AFAP1L1: variants seen among roughly 807,000 people sequenced by gnomAD.
The protein encoded by AFAP1L1 is actin filament associated protein 1 like 1.
In AFAP1L1, 77 loss-of-function variants were observed where a neutral mutation model predicts 99.8. The ratio of observed to expected loss-of-function variants is 0.77; its 90% confidence interval spans 0.64 to 0.93. The LOEUF is 0.93. Ranked by LOEUF, AFAP1L1 falls within the 40% of genes least tolerant of loss-of-function variation. The pLI is 0.00. For missense variants in AFAP1L1, 893 were observed against 996.8 expected, an observed-to-expected ratio of 0.90 and a Z score of 1.40; for synonymous variants, 373 against 395.3, an observed-to-expected ratio of 0.94 and a Z score of 0.67.
chr5:149,281,831 G>A (rs576257541), intron 1 of AFAP1L1, among the ~76,000 whole-genome samples: 3 of 152,266 alleles, frequency 2.0e-5, no homozygotes, highest in Admixed American at 2.0e-4. Context: ...TTTCTAAGTG[G>A]GGACAAGGAG....
At chr5:149,339,004 G>A (rs1210536396) in intron 18 of AFAP1L1, among the ~76,000 whole-genome samples, 1 of 152,204 alleles carries the variant, frequency 6.6e-6, no homozygotes, top group Non-Finnish European at 1.5e-5. Flanking sequence ...TGAGGGGCCA[G>A]ATCATCTAGA....
chr5:149,335,405 T>C (rs1757377141), intron 17 of AFAP1L1, among the ~76,000 whole-genome samples, 189 bp from the exon 18 acceptor site: 2 of 152,172 alleles, frequency 1.3e-5, no homozygotes, highest in Non-Finnish European at 2.9e-5. Flanking sequence ...TAAGAATCGC[T>C]TGAACCCAGG....
Position 149,340,134 on chromosome 5 carries a change from C to T in AFAP1L1, c.*104C>T. 2 of 1,421,764 alleles carry T rather than the reference C, an allele frequency of 1.4e-6. No individual in the cohort carries two copies. Among genetic ancestry groups the T allele is most frequent in the Admixed American group, 1.9e-5 (1 of 53,714 alleles). 88.1% of individuals were successfully genotyped at this position (1,421,764 alleles called of 1,614,324 possible). On this transcript the variant is annotated 3_prime_UTR_variant, in exon 19 of 19. Coordinates refer to ENST00000296721, the MANE Select transcript of AFAP1L1 (RefSeq NM_152406.4). Reference sequence around the variant, plus strand: ...ACCAAGAGAAGACTAGGAAGTAGCCCTCGTTCTCCAGGGCACCCAAAATAC... The same window carrying T: ...ACCAAGAGAAGACTAGGAAGTAGCCTTCGTTCTCCAGGGCACCCAAAATAC...
chr5:149,331,254 T>C lies in AFAP1L1; in HGVS notation c.1975+1424T>C, dbSNP rs138952075. Among the ~76,000 whole-genome samples the C allele has an allele frequency of 6.6e-3, 997 of 152,160 alleles. 10 individuals carry two copies. Among genetic ancestry groups the C allele is most frequent in the African/African-American group, 0.023 (954 of 41,496 alleles). On this transcript the variant is annotated intron_variant, in intron 16 of 18. Coordinates refer to ENST00000296721, the MANE Select transcript of AFAP1L1 (RefSeq NM_152406.4). ...GAGTTCGACACCAGCCTGAGCAACA[T>C]AATGAGACTTCATCTCTATTTTTCT...
At chr5:149,273,171 G>A (rs992715570) in intron 1 of AFAP1L1, among the ~76,000 whole-genome samples, 13 of 149,252 alleles carry the variant, frequency 8.7e-5, no homozygotes, top group African/African-American at 3.2e-4. Context: ...GATCACAGGT[G>A]TGACGGCACT....
chr5:149,333,124 A>G (rs919074576), intron 17 of AFAP1L1, among the ~76,000 whole-genome samples: 1 of 152,166 alleles, frequency 6.6e-6, no homozygotes, highest in African/African-American at 2.4e-5. Flanking sequence ...TTTTACCCTA[A>G]AGGTGATCTT....
chr5:149,299,505 G>A lies in AFAP1L1; in HGVS notation c.17-4G>A, dbSNP rs750856174. The A allele has an allele frequency of 2.7e-5, 43 of 1,613,810 alleles. No homozygotes were observed. The highest frequency in any genetic ancestry group is 6.6e-5 in the South Asian group (6 of 91,084). On this transcript the variant is annotated splice_region_variant and splice_polypyrimidine_tract_variant and intron_variant, in intron 1 of 18. Transcript: ENST00000296721. The stretch of plus-strand genomic sequence containing the variant: ...TGACTGTGCCCGTCTGCCTTCCTCC[G>A]CAGTGCTGGAGCAGCTGCTCCCAGA...
chr5:149,293,882 G>A (rs780358329), intron 1 of AFAP1L1, among the ~76,000 whole-genome samples: 16 of 152,046 alleles, frequency 1.1e-4, no homozygotes, highest in Non-Finnish European at 2.1e-4. Context: ...TTTCTAATGT[G>A]CCCATCATTG....
intron 1 of AFAP1L1, chr5:149,276,744 A>G (rs932028520): frequency 3.9e-5 from 6 of 152,070 alleles, no homozygotes; most frequent in Non-Finnish European, 2.9e-5. Context: ...AGCTACTCCA[A>G]CTCTGATGTT....
At chr5:149,312,241 C>A in intron 9 of AFAP1L1, 37 bp downstream of exon 9, 1 of 1,593,670 alleles carries the variant, frequency 6.3e-7, no homozygotes, top group Non-Finnish European at 8.6e-7. Flanking sequence ...CCAGGCCAGG[C>A]AGTGGCCACT....
intron 9 of AFAP1L1, among the ~76,000 whole-genome samples, chr5:149,314,557 A>G (rs372222365): frequency 2.8e-4 from 43 of 152,292 alleles, no homozygotes; most frequent in African/African-American, 9.9e-4. Context: ...TATTTGCTCT[A>G]TCTGATGAAA....
intron 1 of AFAP1L1, among the ~76,000 whole-genome samples, chr5:149,298,758 G>A (rs1375167527): frequency 1.3e-5 from 2 of 152,192 alleles, no homozygotes; most frequent in Non-Finnish European, 2.9e-5. Context: ...AGTCCTTAAA[G>A]GACTCTGTGC....
At chr5:149,318,917 T>G (rs1331593093) in intron 12 of AFAP1L1, among the ~76,000 whole-genome samples, 3 of 152,168 alleles carry the variant, frequency 2.0e-5, no homozygotes, top group Non-Finnish European at 2.9e-5. Context: ...ACCCCCTGCC[T>G]CTCTCAGTTC....
intron 15 of AFAP1L1, among the ~76,000 whole-genome samples, chr5:149,327,656 T>A (rs900539790): frequency 6.6e-6 from 1 of 151,858 alleles, no homozygotes; most frequent in Non-Finnish European, 1.5e-5. Flanking sequence ...AACGAAAAAC[T>A]CACTCAATGG....
chr5:149,340,144 AG>A lies in AFAP1L1; in HGVS notation c.*117del. ...GACTAGGAAGTAGCCCTCGTTCTCC[AG>A]GGCACCCAAAATACCAGCCTTTATT... On this transcript the variant is annotated 3_prime_UTR_variant, in exon 19 of 19. Coordinates refer to ENST00000296721, the MANE Select transcript of AFAP1L1 (RefSeq NM_152406.4). 7.9e-7 allele frequency: 1 copy of A among 1,265,524 alleles called. No homozygotes were observed. The highest frequency in any genetic ancestry group is 1.5e-5 in the African/African-American group (1 of 66,692). 78.4% of individuals were successfully genotyped at this position (1,265,524 alleles called of 1,614,324 possible).
At chr5:149,282,865 A>G (rs1755564002) in intron 1 of AFAP1L1, among the ~76,000 whole-genome samples, 1 of 152,204 alleles carries the variant, frequency 6.6e-6, no homozygotes, top group Admixed American at 6.5e-5. Flanking sequence ...ATTCAAGAGT[A>G]GTGTTGGGAA....
intron 17 of AFAP1L1, among the ~76,000 whole-genome samples, chr5:149,333,325 G>C (rs1757311085): frequency 2.0e-5 from 3 of 152,196 alleles, no homozygotes; most frequent in African/African-American, 4.8e-5. Context: ...CTTGCTCAAG[G>C]TCACTCCATG....
In AFAP1L1 at chr5:149,312,405, C is replaced by T; in HGVS notation, c.1020+201C>T. The T allele has an allele frequency of 6.2e-6, 4 of 644,304 alleles. No individual in the cohort carries two copies. The South Asian group carries it at 6.9e-5, about 11-fold the overall frequency. 39.9% of individuals were successfully genotyped at this position (644,304 alleles called of 1,614,324 possible). Reference sequence around the variant, plus strand: ...TGCATGAACAAACGAGTGCTTATGCCCAAAGTGCAGTACAAGCCAGAGGAG... The same window carrying T: ...TGCATGAACAAACGAGTGCTTATGCTCAAAGTGCAGTACAAGCCAGAGGAG... On this transcript the variant is annotated intron_variant, in intron 9 of 18. Coordinates refer to ENST00000296721, the MANE Select transcript of AFAP1L1 (RefSeq NM_152406.4).
chr5:149,328,579 C>T (rs1368255354), intron 15 of AFAP1L1, among the ~76,000 whole-genome samples: 2 of 152,162 alleles, frequency 1.3e-5, no homozygotes, highest in African/African-American at 4.8e-5. Context: ...GAGGCTGAGG[C>T]AGGCTGATCA....
Sources: allele counts gnomAD v4.1 joint callset (sites outside exome capture counted in the v4.1 genomes callset), GRCh38; gene constraint gnomAD v4.1.1; transcripts MANE v1.5; gene names NCBI Gene and HGNC (gene_info 2026-07-23, HGNC 2026-07-21).